RPH3AL: variants seen among roughly 807,000 people sequenced by gnomAD.
RPH3AL encodes the protein rabphilin 3A like (without C2 domains).
Under a neutral mutation model 43.1 loss-of-function variants are expected in RPH3AL, and 38 were observed. The observed-to-expected ratio is 0.88, with a 90% CI of 0.68 to 1.15. The LOEUF is 1.15. Ranked by LOEUF, RPH3AL falls within the 50% of genes most tolerant of loss-of-function variation. The pLI, the probability that RPH3AL is intolerant of heterozygous loss-of-function variation, is 0.00. For missense variants in RPH3AL, 462 were observed against 423.2 expected (o/e 1.09, Z -0.81); for synonymous variants, 189 against 176.3 (o/e 1.07, Z -0.57).
At chr17:267,423 G>T (rs2042349362) in intron 6 of RPH3AL, among the ~76,000 whole-genome samples, 1 of 152,220 alleles carries the variant, frequency 6.6e-6, no homozygotes, top group Non-Finnish European at 1.5e-5. Flanking sequence ...CGGAAAATTG[G>T]ACAGGCCAAT....
intron 6 of RPH3AL, among the ~76,000 whole-genome samples, chr17:267,082 A>G (rs555290125): frequency 2.0e-5 from 3 of 152,338 alleles, no homozygotes; most frequent in Non-Finnish European, 4.4e-5. Flanking sequence ...AAAGGTCCCT[A>G]CAAGCTGCTG....
intron 8 of RPH3AL, 115 bp downstream of exon 8, chr17:219,508 T>TTTCTG: frequency 2.8e-6 from 1 of 363,428 alleles, no homozygotes; most frequent in East Asian, 4.8e-5. Context: ...AATAGTTTCA[T>TTTCTG]TTCTTTTCTT....
At chr17:341,423 C>G (rs1450488997) in intron 1 of RPH3AL, 1 of 152,200 alleles carries the variant, frequency 6.6e-6, no homozygotes, top group East Asian at 1.9e-4. Flanking sequence ...GTCCTTCCAA[C>G]AACATCTGCT....
At chr17:221,578 C>T in intron 7 of RPH3AL, among the ~76,000 whole-genome samples, 1 of 126,558 alleles carries the variant, frequency 7.9e-6, no homozygotes, top group Non-Finnish European at 1.6e-5. Flanking sequence ...GACCCAAGCA[C>T]ATCAGCTCTG....
chr17:309,206 G>A (rs2043573254), intron 5 of RPH3AL, among the ~76,000 whole-genome samples: 1 of 152,294 alleles, frequency 6.6e-6, no homozygotes, highest in Admixed American at 6.5e-5. Flanking sequence ...GAGGTGGGAG[G>A]ATCGATTGAG....
rs2042818136 is a variant in RPH3AL at position 283,018 on chromosome 17, T to A, written c.352-1164A>T. 6.6e-6 allele frequency among the ~76,000 whole-genome samples: 1 copy of A among 152,134 alleles called. No individual in the cohort carries two copies. ...AAGCAAGCTGGGAGGCAGAGGTGGATGTGTTGGGGCTGAGACCGGCTCCAG... is the reference window on the plus strand; with the variant it reads ...AAGCAAGCTGGGAGGCAGAGGTGGAAGTGTTGGGGCTGAGACCGGCTCCAG... On this transcript the variant is annotated intron_variant, in intron 5 of 9. Transcript: ENST00000331302. The surrounding 1 kb of genome is among the most constrained non-coding windows in gnomAD (Gnocchi z 4.2).
intron 9 of RPH3AL, among the ~76,000 whole-genome samples, chr17:214,980 C>T (rs926140442): frequency 6.6e-6 from 1 of 152,084 alleles, no homozygotes. Context: ...TGGGAGCCAT[C>T]GAGTGGGGAA....
intron 9 of RPH3AL, among the ~76,000 whole-genome samples, 198 bp from the exon 10 acceptor site, chr17:214,121 C>T (rs1197888204): frequency 6.6e-6 from 1 of 152,182 alleles, no homozygotes; most frequent in African/African-American, 2.4e-5. Context: ...AGTCACCTGC[C>T]CCTCTGGGCT....
chr17:252,457 G>T (rs2041929854), intron 6 of RPH3AL, among the ~76,000 whole-genome samples: 1 of 151,640 alleles, frequency 6.6e-6, no homozygotes, highest in African/African-American at 2.4e-5. Context: ...TTGTTTTTTT[G>T]AAAACTAGGC....
At chr17:259,041 G>C (rs945282654) in intron 6 of RPH3AL, among the ~76,000 whole-genome samples, 1 of 152,086 alleles carries the variant, frequency 6.6e-6, no homozygotes, top group East Asian at 1.9e-4. Context: ...GTGCCTCCCC[G>C]GGGCTCTGTG....
intron 7 of RPH3AL, among the ~76,000 whole-genome samples, chr17:238,358 A>C (rs373536886): frequency 5.4e-4 from 82 of 152,184 alleles, no homozygotes; most frequent in African/African-American, 1.9e-3. Context: ...AGAAAAGAAA[A>C]GAAACGAAAC....
intron 4 of RPH3AL, among the ~76,000 whole-genome samples, chr17:320,640 C>G (rs1217549229): frequency 4.0e-5 from 6 of 151,576 alleles, no homozygotes; most frequent in Non-Finnish European, 7.4e-5. Flanking sequence ...CCCTGTCCCC[C>G]CCAAAAAAAA....
rs773982930 is a variant in RPH3AL at position 283,350 on chromosome 17, G to A, written c.352-1496C>T. Among the ~76,000 whole-genome samples, 1 of 152,180 alleles carries A rather than the reference G, an allele frequency of 6.6e-6. No individual in the cohort carries two copies. Among genetic ancestry groups the A allele is most frequent in the Admixed American group, 6.5e-5 (1 of 15,280 alleles). On this transcript the variant is annotated intron_variant, in intron 5 of 9. Transcript: ENST00000331302. The surrounding 1 kb of genome is among the most constrained non-coding windows in gnomAD (Gnocchi z 4.2). ...GCCGAGCTCAGTGCCCCTGGGGTGG[G>A]GGAGCAAACTCACGGGGGACGGAAG...
chr17:335,151 A>G (rs1052575249), intron 1 of RPH3AL, among the ~76,000 whole-genome samples: 1 of 152,214 alleles, frequency 6.6e-6, no homozygotes. Flanking sequence ...CGCATTCCCA[A>G]GAGCACAGCC....
chr17:277,120 T>C (rs778742316), intron 6 of RPH3AL, among the ~76,000 whole-genome samples: 1 of 152,212 alleles, frequency 6.6e-6, no homozygotes, highest in Admixed American at 6.5e-5. Context: ...CAGAGAGCTA[T>C]GCACACAGTA....
At chr17:237,545 T>G (rs2041427534) in intron 7 of RPH3AL, among the ~76,000 whole-genome samples, 1 of 152,230 alleles carries the variant, frequency 6.6e-6, no homozygotes, top group Non-Finnish European at 1.5e-5. Flanking sequence ...CAGCCGGAGC[T>G]GCCTGTGTCC....
rs184435294 is a variant in RPH3AL at position 350,412 on chromosome 17, C to G, written c.-213+2300G>C. Among the ~76,000 whole-genome samples, 8 of 152,246 alleles carry G rather than the reference C, an allele frequency of 5.3e-5. No homozygotes were observed. The East Asian group carries it at 1.5e-3, about 29-fold the overall frequency. Reference sequence around the variant, plus strand: ...AGATCATGAGGTCAAGAGATCAAGACCAGCCTGGCCAACATGGGTGAAACA... The same window carrying G: ...AGATCATGAGGTCAAGAGATCAAGAGCAGCCTGGCCAACATGGGTGAAACA... On this transcript the variant is annotated intron_variant, in intron 1 of 9. Coordinates refer to ENST00000331302, the MANE Select transcript of RPH3AL (RefSeq NM_006987.4).
At chr17:228,584 G>A (rs949504496) in intron 7 of RPH3AL, among the ~76,000 whole-genome samples, 1 of 152,162 alleles carries the variant, frequency 6.6e-6, no homozygotes, top group Non-Finnish European at 1.5e-5. Flanking sequence ...CACCCCTTTC[G>A]AGGAAGCGTG....
chr17:258,122 G>C (rs1365200765), intron 6 of RPH3AL, among the ~76,000 whole-genome samples: 3 of 152,238 alleles, frequency 2.0e-5, no homozygotes, highest in Admixed American at 2.0e-4. Flanking sequence ...CCCCTGTACG[G>C]ATGGATCACG....
Sources: gnomAD v4.1 joint callset for allele counts (sites outside exome capture counted in the v4.1 genomes callset) on GRCh38, gnomAD v4.1.1 for gene constraint, Gnocchi (gnomAD v3.1) non-coding constraint, MANE v1.5 for transcripts, NCBI Gene and HGNC (gene_info 2026-07-23, HGNC 2026-07-21) for gene names.